Variants in RALYL observed in about 807,000 individuals in gnomAD.
RALYL encodes the protein RALY RNA binding protein like.
RALYL carries 29 observed loss-of-function variants against 35.1 expected under a neutral mutation model. The ratio of observed to expected loss-of-function variants is 0.83; its 90% CI spans 0.61 to 1.13. The LOEUF (loss-of-function observed/expected upper bound fraction) is 1.13, where lower values mean the gene tolerates loss of function less well. RALYL is among the 50% of genes most tolerant of loss of function. The probability of loss-of-function intolerance (pLI) is 0.00; values close to 1 mark genes in which losing one functional copy is unlikely to be tolerated. For synonymous variants in RALYL, 120 were observed against 127.6 expected (o/e 0.94, Z 0.40); for missense variants, 359 against 360.4 (o/e 1.00, Z 0.03).
At chr8:84,196,731 C>T (rs564424302) in intron 1 of RALYL, among the ~76,000 whole-genome samples, 178 of 152,182 alleles carry the variant, frequency 1.2e-3, no homozygotes, top group African/African-American at 4.1e-3. Flanking sequence ...CGGAGATTAT[C>T]CAAGATAGAT....
intron 2 of RALYL, among the ~76,000 whole-genome samples, chr8:84,646,156 C>A (rs966189583): frequency 6.6e-6 from 1 of 151,818 alleles, no homozygotes; most frequent in African/African-American, 2.4e-5. Context: ...AGCATCTTCT[C>A]TCTGACCCTT....
intron 1 of RALYL, among the ~76,000 whole-genome samples, chr8:84,359,319 AC>A (rs1852480421): frequency 6.6e-6 from 1 of 151,900 alleles, no homozygotes; most frequent in African/African-American, 2.4e-5. Flanking sequence ...ATTAGCATAA[AC>A]CACTTTTGTT....
At chr8:84,804,908 C>A in intron 4 of RALYL, 106 bp downstream of exon 4, 2 of 530,836 alleles carry the variant, frequency 3.8e-6, no homozygotes, top group Non-Finnish European at 5.4e-6. Context: ...AAAATCATAA[C>A]ATATCAGTGC....
Position 84,475,255 on chromosome 8 carries a change from C to T in RALYL, c.-23-54044C>T, listed in dbSNP as rs374200427. On this transcript the variant is annotated intron_variant, in intron 1 of 8. Transcript: ENST00000521268. The stretch of plus-strand genomic sequence containing the variant: ...GGAACAGGGTCTCACTTTCATTGCC[C>T]AGGCTGGAATGCAGTGGCACCATCT... Among the ~76,000 whole-genome samples, 22 of 152,234 alleles carry T rather than the reference C, an allele frequency of 1.4e-4. 2 individuals are homozygous for T. The South Asian group carries it at 4.1e-3, about 29-fold the overall frequency.
intron 1 of RALYL, among the ~76,000 whole-genome samples, chr8:84,430,699 A>G (rs547555464): frequency 4.6e-5 from 7 of 152,266 alleles, no homozygotes; most frequent in African/African-American, 1.2e-4. Flanking sequence ...TGAATTTTTA[A>G]TGTTTTAACT....
intron 5 of RALYL, among the ~76,000 whole-genome samples, chr8:84,855,535 C>G (rs573602460): frequency 6.6e-6 from 1 of 152,226 alleles, no homozygotes; most frequent in African/African-American, 2.4e-5. Flanking sequence ...TATCTTTTCT[C>G]TTTTACACAA....
intron 2 of RALYL, among the ~76,000 whole-genome samples, chr8:84,646,806 T>C (rs1358015622): frequency 6.6e-6 from 1 of 152,112 alleles, no homozygotes; most frequent in South Asian, 2.1e-4. Flanking sequence ...CTGTTGCCAC[T>C]TCTGGCACCA....
At chr8:84,591,590 C>T (rs1344851169) in intron 2 of RALYL, among the ~76,000 whole-genome samples, 1 of 152,134 alleles carries the variant, frequency 6.6e-6, no homozygotes, top group Non-Finnish European at 1.5e-5. Flanking sequence ...GTTTGTTATA[C>T]CAATATCCTT....
At chr8:84,554,222 T>C (rs563890766) in intron 2 of RALYL, among the ~76,000 whole-genome samples, 221 of 152,330 alleles carry the variant, frequency 1.5e-3, no homozygotes, top group South Asian at 6.6e-3. Flanking sequence ...TTAGCTCAAG[T>C]CATCTCCATA....
rs111700160 is a variant in RALYL, at chr8:84,302,354, A to C, written c.-24+117930A>C. Among the ~76,000 whole-genome samples the C allele has an allele frequency of 4.2e-4, 64 of 152,248 alleles. 1 individual carries two copies. Among genetic ancestry groups the C allele is most frequent in the African/African-American group, 1.5e-3 (63 of 41,540 alleles). On this transcript the variant is annotated intron_variant, in intron 1 of 8. Transcript: ENST00000521268. The stretch of plus-strand genomic sequence containing the variant: ...TCTCTAGATCTTAAGAACTAAGCCC[A>C]CTTGTTGAACAGGATACTCGCTAAA...
At chr8:84,768,741 G>A (rs951965455) in intron 2 of RALYL, among the ~76,000 whole-genome samples, 5 of 152,190 alleles carry the variant, frequency 3.3e-5, no homozygotes, top group East Asian at 1.9e-4. Flanking sequence ...GTCATAACTC[G>A]GCGACCATCT....
chr8:84,604,387 T>C (rs1816660382), intron 2 of RALYL, among the ~76,000 whole-genome samples: 1 of 152,104 alleles, frequency 6.6e-6, no homozygotes, highest in Admixed American at 6.6e-5. Flanking sequence ...AGGGCACATG[T>C]CAACACATGC....
chr8:84,796,408 A>G lies in RALYL; in HGVS notation c.333-8362A>G, dbSNP rs111972326. On this transcript the variant is annotated intron_variant, in intron 3 of 8. Transcript: ENST00000521268. Reference sequence around the variant, plus strand: ...TTGGTAGATCTCAGAATTCACCTACAGTTATCCATGAATATCCTTTCCCTA... The same window carrying G: ...TTGGTAGATCTCAGAATTCACCTACGGTTATCCATGAATATCCTTTCCCTA... Among the ~76,000 whole-genome samples the G allele has an allele frequency of 7.1e-3, 1,084 of 152,282 alleles. 10 individuals are homozygous for G. Among genetic ancestry groups the G allele is most frequent in the Middle Eastern group, 0.014 (4 of 292 alleles).
chr8:84,849,434 T>C (rs1254244782), intron 4 of RALYL, among the ~76,000 whole-genome samples: 1 of 152,190 alleles, frequency 6.6e-6, no homozygotes, highest in African/African-American at 2.4e-5. Context: ...TGTAGCCTCA[T>C]TGTACATACC....
chr8:84,845,405 T>G (rs1057462460), intron 4 of RALYL, among the ~76,000 whole-genome samples: 5 of 152,238 alleles, frequency 3.3e-5, no homozygotes, highest in African/African-American at 1.2e-4. Flanking sequence ...GTGGTTTTGA[T>G]TTGCATTTAT....
At chr8:84,228,587 G>A (rs1020727723) in intron 1 of RALYL, among the ~76,000 whole-genome samples, 2 of 152,172 alleles carry the variant, frequency 1.3e-5, no homozygotes, top group African/African-American at 4.8e-5. Flanking sequence ...AGGGAAGAGT[G>A]CATCATTTGC....
chr8:84,671,377 C>T (rs1245310011), intron 2 of RALYL, among the ~76,000 whole-genome samples: 1 of 152,168 alleles, frequency 6.6e-6, no homozygotes, highest in East Asian at 1.9e-4. Flanking sequence ...GGGCCCTCTT[C>T]TTGCAGCTCC....
intron 3 of RALYL, among the ~76,000 whole-genome samples, chr8:84,776,582 A>G (rs746829223): frequency 6.6e-6 from 1 of 152,214 alleles, no homozygotes; most frequent in Non-Finnish European, 1.5e-5. Context: ...TTGTAAATGT[A>G]TACATTAGAG....
At chr8:84,611,106 A>T (rs186511233) in intron 2 of RALYL, among the ~76,000 whole-genome samples, 75 of 152,230 alleles carry the variant, frequency 4.9e-4, no homozygotes, top group Middle Eastern at 3.4e-3. Context: ...TAATGTCCAC[A>T]TTCATGGTGT....
Sources: allele counts gnomAD v4.1 joint callset (sites outside exome capture counted in the v4.1 genomes callset), GRCh38; gene constraint gnomAD v4.1.1; transcripts MANE v1.5; gene names NCBI Gene and HGNC (gene_info 2026-07-23, HGNC 2026-07-21).